SENP1: variants seen among roughly 807,000 people sequenced by gnomAD.
The protein encoded by SENP1 is sentrin-specific protease 1.
A neutral mutation model predicts 93.0 loss-of-function variants in SENP1; 21 were observed. The ratio of observed to expected loss-of-function variants is 0.23; its 90% confidence interval spans 0.16 to 0.33. The LOEUF is 0.33. SENP1 is among the 10% of genes least tolerant of loss of function. The probability of loss-of-function intolerance (pLI) is 1.00; values close to 1 mark genes in which losing one functional copy is unlikely to be tolerated. For synonymous variants in SENP1, 256 were observed against 259.6 expected (o/e 0.99, Z 0.13); for missense variants, 591 against 758.7 (o/e 0.78, Z 2.60).
rs141252369 is a variant in SENP1 at position 48,100,833 on chromosome 12, T to C, written c.4+636A>G. ...CTTGGTAGGTACTATTAGGTACCCT[T>C]GTAAGATGGTTATAAGGATTAAATG... is the stretch of plus-strand genomic sequence containing the variant. On this transcript the variant is annotated intron_variant, in intron 2 of 17. Transcript: ENST00000549518. Among the ~76,000 whole-genome samples, 427 of 152,302 alleles carry C rather than the reference T, an allele frequency of 2.8e-3. 1 individual carries two copies. Among genetic ancestry groups the C allele is most frequent in the African/African-American group, 8.7e-3 (362 of 41,566 alleles).
chr12:48,070,531 T>C (rs1488994090), intron 9 of SENP1, among the ~76,000 whole-genome samples: 2 of 152,172 alleles, frequency 1.3e-5, no homozygotes, highest in African/African-American at 2.4e-5. Context: ...TCCTTGAGAA[T>C]AGGGACTTCA....
chr12:48,055,200 G>T, intron 13 of SENP1: 1 of 208,476 alleles, frequency 4.8e-6, no homozygotes, highest in East Asian at 1.1e-4. Context: ...AGCCACAGAG[G>T]CAGCACAACT....
chr12:48,083,633 G>A lies in SENP1; in HGVS notation c.510C>T (p.Ser170=). 1 of 1,613,678 alleles carries A rather than the reference G, an allele frequency of 6.2e-7. No homozygotes were observed. The highest frequency in any genetic ancestry group is 2.2e-5 in the East Asian group (1 of 44,866). ...CATGTCGCCTCTGAGTTTTCTTGGG[G>A]CTCAAAAGACTTCGACGACATGAAC... ...WSGSCRRSLL[S]PKKTQRRHVS... The change falls in exon 6 of 18, where the codon AGC becomes AGT. Residue 170 remains serine, a synonymous_variant. Transcript: ENST00000549518.
chr12:48,103,154 C>T (rs1019318427), intron 1 of SENP1, among the ~76,000 whole-genome samples: 1 of 152,102 alleles, frequency 6.6e-6, no homozygotes, highest in Non-Finnish European at 1.5e-5. Flanking sequence ...AGAAGAATGC[C>T]AACTTAAAAG....
At chr12:48,089,816 C>A (rs796767063) in intron 4 of SENP1, among the ~76,000 whole-genome samples, 41 of 152,258 alleles carry the variant, frequency 2.7e-4, no homozygotes, top group African/African-American at 9.6e-4. Context: ...AATAATAATT[C>A]TCTATTTCTG....
chr12:48,047,945 GA>G, intron 15 of SENP1, 55 bp downstream of exon 15: 2 of 1,167,392 alleles, frequency 1.7e-6, no homozygotes, highest in South Asian at 1.3e-5. Context: ...TCAATTACTG[GA>G]AAAACACCAC....
chr12:48,095,992 GCT>G (rs1437260040), intron 4 of SENP1, among the ~76,000 whole-genome samples: 4 of 152,250 alleles, frequency 2.6e-5, no homozygotes, highest in African/African-American at 9.6e-5. Context: ...AAATAAACTT[GCT>G]CTGTGATTTA....
chr12:48,070,920 C>A (rs1943647739), intron 9 of SENP1, among the ~76,000 whole-genome samples: 1 of 151,928 alleles, frequency 6.6e-6, no homozygotes, highest in Non-Finnish European at 1.5e-5. Flanking sequence ...AGCAAGATCC[C>A]GTCTCTACAA....
In SENP1 at chr12:48,105,096, T is replaced by C. The variant is rs868045191; in HGVS notation, c.-45+932A>G. ...TTAGGAGATGATGAGATCTAATACA[T>C]CCAGAATAACCAATTATAACAAAGA... On this transcript the variant is annotated intron_variant, in intron 1 of 17. Transcript: ENST00000549518. 21 of 231,910 alleles carry C rather than the reference T, an allele frequency of 9.1e-5. 1 individual carries two copies. The South Asian group carries it at 1.1e-3, about 12-fold the overall frequency. 14.4% of individuals were successfully genotyped at this position (231,910 alleles called of 1,614,324 possible).
chr12:48,047,097 G>T, intron 15 of SENP1, 35 bp from the exon 16 acceptor site: 3 of 1,368,952 alleles, frequency 2.2e-6, no homozygotes, highest in South Asian at 1.2e-5. Context: ...ATAAGCAGTG[G>T]GGAACATCGA....
At chr12:48,054,006 G>C (rs76827482) in intron 13 of SENP1, among the ~76,000 whole-genome samples, 2,830 of 152,246 alleles carry the variant, frequency 0.019, 58 homozygotes, top group East Asian at 0.092. Flanking sequence ...CAAGGAATGA[G>C]AGGGAGAATA....
intron 6 of SENP1, chr12:48,080,624 C>G (rs1944431491): frequency 1.3e-5 from 2 of 152,172 alleles, no homozygotes; most frequent in South Asian, 4.1e-4. Context: ...TTGTAAGTTC[C>G]CATCAGTAAA....
intron 2 of SENP1, among the ~76,000 whole-genome samples, chr12:48,099,738 G>C (rs538677310): frequency 8.5e-5 from 13 of 152,094 alleles, no homozygotes; most frequent in Admixed American, 8.5e-4. Context: ...TTGAACCCAA[G>C]GCAGAGGATG....
chr12:48,097,714 A>G (rs1945657144), intron 3 of SENP1: 1 of 217,488 alleles, frequency 4.6e-6, no homozygotes, highest in Non-Finnish European at 9.1e-6. Context: ...TGCTAGTTTA[A>G]AAGAACACTG....
At position 48,098,049 on chromosome 12, in the gene SENP1, T is replaced by A; in HGVS notation, c.80A>T (p.His27Leu). Residue 27 changes from histidine (H) to leucine (L), a missense_variant, in exon 3 of 18, where the codon CAC becomes CTC. This residue lies in a region of SENP1 where 214 missense variants were observed against 243.4 expected (regional missense o/e 0.88). Coordinates refer to ENST00000549518, the MANE Select transcript of SENP1 (RefSeq NM_001267594.2). ...TGGAAAACCTGTTTGTGGCAGGAGG[T>A]GGGTTTTGAATACGGAGTTGTGGTT... ...LVNHNSVFKT[H>L]LLPQTGFPED... The A allele has an allele frequency of 3.1e-6, 5 of 1,609,730 alleles. No homozygotes were observed. The highest frequency in any genetic ancestry group is 4.2e-6 in the Non-Finnish European group (5 of 1,178,172).
intron 5 of SENP1, chr12:48,084,993 C>A: frequency 2.7e-6 from 2 of 729,950 alleles, no homozygotes; most frequent in Non-Finnish European, 4.5e-6. Flanking sequence ...TGGGTTTGTA[C>A]GTGTGTTAAG....
intron 2 of SENP1, chr12:48,099,021 A>C (rs1238643664): frequency 6.6e-6 from 1 of 152,124 alleles, no homozygotes; most frequent in Non-Finnish European, 1.5e-5. Flanking sequence ...AGCTTAATTT[A>C]AAGCTTTAAA....
chr12:48,098,919 T>C (rs1280167543), intron 2 of SENP1: 1 of 152,190 alleles, frequency 6.6e-6, no homozygotes, highest in Non-Finnish European at 1.5e-5. Context: ...ATATTGTCAT[T>C]GTCAAAAGAG....
chr12:48,046,524 A>G, intron 16 of SENP1, 73 bp from the exon 17 acceptor site: 1 of 1,064,606 alleles, frequency 9.4e-7, no homozygotes, highest in South Asian at 1.3e-5. Flanking sequence ...ATAAGAACCA[A>G]AAGATATAAA....
Sources: allele counts gnomAD v4.1 joint callset (sites outside exome capture counted in the v4.1 genomes callset), GRCh38; gene constraint gnomAD v4.1.1; regional missense constraint gnomAD v4.1.1; transcripts MANE v1.5; gene names NCBI Gene and HGNC (gene_info 2026-07-23, HGNC 2026-07-21).